The following RYR2 variants were observed in gnomAD, a reference collection of about 807,000 sequenced individuals.
RYR2 encodes the protein ryanodine receptor 2.
In RYR2, 227 loss-of-function variants were observed where a neutral mutation model predicts 601.1. The observed-to-expected ratio is 0.38, with a 90% CI of 0.34 to 0.42. The LOEUF (loss-of-function observed/expected upper bound fraction) is 0.42. Among genes scored for constraint, RYR2 ranks in the 10% least tolerant of loss-of-function variants. The pLI is 1.00. For synonymous variants in RYR2, 2,223 were observed against 2,175.1 expected, an observed-to-expected ratio of 1.02 and a Z score of -0.61; for missense variants, 4,646 against 6,156.5, an observed-to-expected ratio of 0.75 and a Z score of 8.21.
chr1:237,441,491 G>A lies in RYR2; in HGVS notation c.1170+8G>A, dbSNP rs1243795461. On this transcript the variant is annotated splice_region_variant and intron_variant, in intron 13 of 104. Coordinates refer to ENST00000366574, the MANE Select transcript of RYR2 (RefSeq NM_001035.3). Reference sequence around the variant, plus strand: ...GGATCTATACAACGTAAGGTAAGGTGATAGAAAAAAACATAATTTATAGAA... The same window carrying A: ...GGATCTATACAACGTAAGGTAAGGTAATAGAAAAAAACATAATTTATAGAA... 3 of 1,450,628 alleles carry A rather than the reference G, an allele frequency of 2.1e-6. No homozygotes were observed. The South Asian group carries it at 5.0e-5, about 24-fold the overall frequency. 89.9% of individuals were successfully genotyped at this position (1,450,628 alleles called of 1,614,324 possible). A position where few individuals can be genotyped will look rare whatever the true frequency, so the allele number is the denominator to read the frequency against.
intron 1 of RYR2, among the ~76,000 whole-genome samples, chr1:237,196,563 T>C (rs1405515233): frequency 1.3e-5 from 2 of 152,192 alleles, no homozygotes; most frequent in African/African-American, 2.4e-5. Flanking sequence ...TTGTTGTTCA[T>C]TTTTAACCTG....
At chr1:237,823,218 C>T (rs1282509855) in intron 101 of RYR2, among the ~76,000 whole-genome samples, 3 of 152,212 alleles carry the variant, frequency 2.0e-5, no homozygotes, top group African/African-American at 4.8e-5. Context: ...CCCAAATCAA[C>T]AGAATATACA....
chr1:237,683,222 C>G (rs561303782), intron 62 of RYR2, among the ~76,000 whole-genome samples: 2 of 152,114 alleles, frequency 1.3e-5, no homozygotes, highest in Admixed American at 1.3e-4. Flanking sequence ...GTTTAACAGA[C>G]GTGAGTAGCA....
intron 10 of RYR2, among the ~76,000 whole-genome samples, chr1:237,401,720 T>C (rs1287399640): frequency 6.6e-6 from 1 of 152,202 alleles, no homozygotes; most frequent in Non-Finnish European, 1.5e-5. Flanking sequence ...GGCTACATGA[T>C]GGAATTCAAT....
At position 237,058,860 on chromosome 1, in the gene RYR2, G is replaced by A. The variant is rs1336538204; in HGVS notation, c.48+16291G>A. On this transcript the variant is annotated intron_variant, in intron 1 of 104. Coordinates refer to ENST00000366574, the MANE Select transcript of RYR2 (RefSeq NM_001035.3). ...GGTAGCAATTAGAAGGTGGGAGATA[G>A]CGCCTCACATTTTTTACTGTAGAGT... Among the ~76,000 whole-genome samples, 4 of 152,150 alleles carry A rather than the reference G, an allele frequency of 2.6e-5. No homozygotes were observed. In the East Asian group the frequency reaches 7.7e-4, roughly 29 times the overall value.
Position 237,188,119 on chromosome 1 carries a change from GT to G in RYR2, c.49-82374del, listed in dbSNP as rs780677698. On this transcript the variant is annotated intron_variant, in intron 1 of 104. Transcript: ENST00000366574. ...AATAGATCTGGCCTCATTGAATGCTGTTTTAGGTGAAGGAAGGTAATTTTGC... is the reference window on the plus strand; with the variant it reads ...AATAGATCTGGCCTCATTGAATGCTGTTTAGGTGAAGGAAGGTAATTTTGC... Among the ~76,000 whole-genome samples, 11 of 152,326 alleles carry G rather than the reference GT, an allele frequency of 7.2e-5. No homozygotes were observed. In the East Asian group the frequency reaches 2.1e-3, roughly 29 times the overall value.
At chr1:237,416,929 C>A (rs1030778715) in intron 10 of RYR2, 120 bp from the exon 11 acceptor site, 2 of 795,888 alleles carry the variant, frequency 2.5e-6, no homozygotes, top group African/African-American at 3.4e-5. Flanking sequence ...AAAAGTATAA[C>A]TTTAACTGTT....
At chr1:237,287,633 A>G (rs1161522469) in intron 2 of RYR2, among the ~76,000 whole-genome samples, 1 of 152,150 alleles carries the variant, frequency 6.6e-6, no homozygotes, top group African/African-American at 2.4e-5. Context: ...CACATTTCTA[A>G]AAGTGCATCC....
chr1:237,778,489 T>G (rs886429287), intron 87 of RYR2, among the ~76,000 whole-genome samples, 177 bp from the exon 88 acceptor site: 46 of 152,194 alleles, frequency 3.0e-4, no homozygotes, highest in Non-Finnish European at 1.5e-5. Context: ...TATTTCTCTC[T>G]TAAGGATCAT....
At chr1:237,805,332 G>A (rs1660494756) in intron 98 of RYR2, among the ~76,000 whole-genome samples, 1 of 152,106 alleles carries the variant, frequency 6.6e-6, no homozygotes, top group African/African-American at 2.4e-5. Flanking sequence ...TGTAATCCCA[G>A]CACTTTGGGA....
In RYR2 at chr1:237,496,590, C is replaced by T; in HGVS notation, c.2041C>T (p.His681Tyr). Residue 681 changes from histidine to tyrosine, a missense_variant, in exon 20 of 105, where the codon CAC (histidine) becomes TAC (tyrosine). By Grantham distance (83) the His-to-Tyr change is moderately conservative. This residue lies in a region of RYR2 where 1,807 missense variants were observed against 2,088.1 expected (regional missense o/e 0.87). Transcript: ENST00000366574. The stretch of plus-strand genomic sequence containing the variant: ...ATGGTACTATGAATTGATGGTGGAC[C>T]ACACAGAGCCCTTTGTGACAGCTGA... ...KKWYYELMVD[H>Y]TEPFVTAEAT... 6.2e-7 allele frequency: 1 copy of T among 1,613,882 alleles called. No individual in the cohort carries two copies. Among genetic ancestry groups the T allele is most frequent in the Non-Finnish European group, 8.5e-7 (1 of 1,179,888 alleles).
At chr1:237,551,684 G>A (rs1283290937) in intron 27 of RYR2, among the ~76,000 whole-genome samples, 1 of 152,084 alleles carries the variant, frequency 6.6e-6, no homozygotes, top group Non-Finnish European at 1.5e-5. Flanking sequence ...AATTTTTGAT[G>A]GAAAGTTTTA....
intron 27 of RYR2, among the ~76,000 whole-genome samples, chr1:237,564,467 A>C (rs1047813261): frequency 1.3e-5 from 2 of 152,056 alleles, no homozygotes; most frequent in African/African-American, 2.4e-5. Context: ...ATGGGATTTC[A>C]CCATGTTGGC....
At chr1:237,770,962 G>A in intron 85 of RYR2, 75 bp downstream of exon 85, 2 of 854,142 alleles carry the variant, frequency 2.3e-6, no homozygotes, top group African/African-American at 3.4e-5. Context: ...ACAAGAGCCT[G>A]TTAGTTCCAA....
At chr1:237,155,995 C>A (rs935338002) in intron 1 of RYR2, among the ~76,000 whole-genome samples, 5 of 152,226 alleles carry the variant, frequency 3.3e-5, no homozygotes, top group Non-Finnish European at 5.9e-5. Context: ...ATTTACCCTG[C>A]TGTTCCCTCT....
chr1:237,530,369 G>T (rs1668022365), intron 24 of RYR2, 58 bp from the exon 25 acceptor site: 1 of 1,297,074 alleles, frequency 7.7e-7, no homozygotes, highest in Non-Finnish European at 1.1e-6. Flanking sequence ...CTGCTGTCTT[G>T]GGTTATTCTG....
Position 237,794,010 on chromosome 1 carries a change from T to C in RYR2, c.13913+13T>C. On this transcript the variant is annotated intron_variant, in intron 95 of 104. Coordinates refer to ENST00000366574, the MANE Select transcript of RYR2 (RefSeq NM_001035.3). ...TAATCAACACACAGTGAGTAAATAATTATATGAGACTTTCTGCACTCAAAA... is the reference window on the plus strand; with the variant it reads ...TAATCAACACACAGTGAGTAAATAACTATATGAGACTTTCTGCACTCAAAA... The C allele has an allele frequency of 6.3e-7, 1 of 1,598,608 alleles. No homozygotes were observed. Among genetic ancestry groups the C allele is most frequent in the South Asian group, 1.1e-5 (1 of 87,980 alleles).
intron 48 of RYR2, among the ~76,000 whole-genome samples, chr1:237,647,645 A>G (rs548426): frequency 1 from 152,281 of 152,378 alleles, 76,093 homozygotes; most frequent in Middle Eastern, 1. Flanking sequence ...CTGAGTTCTT[A>G]TTTCTTTGAT....
intron 86 of RYR2, among the ~76,000 whole-genome samples, chr1:237,772,620 C>T (rs1188367703): frequency 2.0e-5 from 3 of 152,160 alleles, no homozygotes; most frequent in Non-Finnish European, 2.9e-5. Context: ...GAATTGAAGA[C>T]GTAGGCCTCT....
Sources: allele counts gnomAD v4.1 joint callset (sites outside exome capture counted in the v4.1 genomes callset), GRCh38; gene constraint gnomAD v4.1.1; regional missense constraint gnomAD v4.1.1; transcripts MANE v1.5; gene names NCBI Gene and HGNC (gene_info 2026-07-23, HGNC 2026-07-21).